The following UBE2D2 variants were observed in gnomAD, a reference collection of about 807,000 sequenced individuals.
UBE2D2 encodes ubiquitin-conjugating enzyme E2 D2.
UBE2D2 carries 2 observed loss-of-function variants against 24.2 expected under a neutral mutation model. The ratio of observed to expected loss-of-function variants is 0.08; its 90% CI spans 0.03 to 0.26. UBE2D2 has a LOEUF of 0.26. Among genes scored for constraint, UBE2D2 ranks in the 10% least tolerant of loss-of-function variants. UBE2D2 has a pLI of 1.00. For missense variants in UBE2D2, 44 were observed against 177.6 expected (o/e 0.25, Z 4.28); for synonymous variants, 58 against 56.5 (o/e 1.03, Z -0.12).
intron 1 of UBE2D2, among the ~76,000 whole-genome samples, chr5:139,528,527 C>T (rs1185038150): frequency 6.6e-6 from 1 of 152,166 alleles, no homozygotes; most frequent in Non-Finnish European, 1.5e-5. Flanking sequence ...AAAGGCTGGC[C>T]CCCATGTCCA....
chr5:139,567,759 C>T (rs958023846), intron 1 of UBE2D2, among the ~76,000 whole-genome samples: 11 of 150,676 alleles, frequency 7.3e-5, no homozygotes, highest in African/African-American at 2.7e-4. Flanking sequence ...GTCTCAAACT[C>T]CTGACCTCCA....
chr5:139,542,391 TAG>T (rs1392151949), intron 1 of UBE2D2, among the ~76,000 whole-genome samples: 2 of 152,282 alleles, frequency 1.3e-5, no homozygotes, highest in African/African-American at 2.4e-5. Flanking sequence ...TTTGTGGAGA[TAG>T]AGTCTCACTC....
chr5:139,586,847 G>A (rs1329130504), intron 1 of UBE2D2, among the ~76,000 whole-genome samples: 1 of 151,942 alleles, frequency 6.6e-6, no homozygotes, highest in East Asian at 1.9e-4. Flanking sequence ...ATCTTCTTTT[G>A]TTAAACAGAA....
chr5:139,548,193 A>AAAAAAAAAAAT, intron 1 of UBE2D2, among the ~76,000 whole-genome samples: 32 of 47,094 alleles, frequency 6.8e-4, no homozygotes, highest in East Asian at 1.3e-3. Flanking sequence ...ATAAAAAAAA[A>AAAAAAAAAAAT]AAATAAATAA....
At chr5:139,562,344 A>G in intron 1 of UBE2D2, 1 of 1,342,472 alleles carries the variant, frequency 7.4e-7, no homozygotes, top group South Asian at 1.2e-5. Context: ...GTGGCAGCAC[A>G]CATCGGTCCA....
intron 5 of UBE2D2, among the ~76,000 whole-genome samples, chr5:139,621,589 G>A (rs568206167): frequency 1.1e-4 from 17 of 151,536 alleles, no homozygotes; most frequent in Admixed American, 1.1e-3. Context: ...TATGGTTGTC[G>A]TTTTTGCTAA....
rs544630735 is a variant in UBE2D2, at chr5:139,526,535, G to A, written c.-141G>A. On this transcript the variant is annotated 5_prime_UTR_variant, in exon 1 of 7. Coordinates refer to the UBE2D2 transcript ENST00000511725. ...TGCCTCGCCAGAGCAGCGTGTAGCA[G>A]GCCCCCGCGGAGGATTAACACAGTG... 7.2e-5 allele frequency: 11 copies of A among 152,414 alleles called. No homozygotes were observed. The East Asian group carries it at 2.1e-3, about 29-fold the overall frequency. The allele number at this position is 152,414 out of a possible 1,614,324, so 9.4% of individuals were successfully genotyped here.
In UBE2D2 at chr5:139,561,546, G is replaced by T; in HGVS notation, c.-246G>T. ...GGAAGAGGCAGCTACGGCGGCGGCG[G>T]CGGTGGCGGCTAGGGCGGCGGCGAA... On this transcript the variant is annotated 5_prime_UTR_variant, in exon 1 of 7. Transcript: ENST00000398733. The T allele has an allele frequency of 2.4e-6, 1 of 418,982 alleles. No individual in the cohort carries two copies. Among genetic ancestry groups the T allele is most frequent in the Non-Finnish European group, 4.2e-6 (1 of 238,114 alleles). 26.0% of individuals were successfully genotyped at this position (418,982 alleles called of 1,614,324 possible).
At chr5:139,580,336 A>G (rs1753570382) in intron 1 of UBE2D2, among the ~76,000 whole-genome samples, 1 of 152,102 alleles carries the variant, frequency 6.6e-6, no homozygotes, top group South Asian at 2.1e-4. Flanking sequence ...AAGTGCTGAG[A>G]TTACAGTCGT....
At chr5:139,619,279 C>T (rs1014512925) in intron 5 of UBE2D2, among the ~76,000 whole-genome samples, 1 of 151,684 alleles carries the variant, frequency 6.6e-6, no homozygotes, top group African/African-American at 2.4e-5. Flanking sequence ...GTCTATAGTC[C>T]CAACTACTCG....
intron 6 of UBE2D2, among the ~76,000 whole-genome samples, chr5:139,625,012 G>C (rs147760080): frequency 2.1e-4 from 32 of 152,218 alleles, no homozygotes; most frequent in African/African-American, 7.5e-4. Flanking sequence ...GTTGAACACT[G>C]TTGAACAGAA....
rs566099355 is a variant in UBE2D2 at position 139,597,481 on chromosome 5, T to C, written c.25-2891T>C. Among the ~76,000 whole-genome samples the C allele has an allele frequency of 9.2e-5, 14 of 152,346 alleles. No homozygotes were observed. In the South Asian group the frequency reaches 2.7e-3, roughly 29 times the overall value. On this transcript the variant is annotated intron_variant, in intron 1 of 6. Coordinates refer to ENST00000398733, the MANE Select transcript of UBE2D2 (RefSeq NM_003339.3). ...TATATTGGCTCCTGAAATGGACTGATGGATCTTGTATTCTGCTTAGATAAA... is the reference window on the plus strand; with the variant it reads ...TATATTGGCTCCTGAAATGGACTGACGGATCTTGTATTCTGCTTAGATAAA...
intron 1 of UBE2D2, among the ~76,000 whole-genome samples, chr5:139,546,807 C>CTTCTTTCTTTCT (rs1405538149): frequency 1.9e-3 from 268 of 141,900 alleles, no homozygotes; most frequent in Middle Eastern, 0.011. Context: ...TTCTTTCTTT[C>CTTCTTTCTTTCT]TTCTTTCTTT....
In UBE2D2 at chr5:139,614,081, A is replaced by G. The variant is rs950815673; in HGVS notation, c.89-505A>G. On this transcript the variant is annotated intron_variant, in intron 2 of 6. Coordinates refer to ENST00000398733, the MANE Select transcript of UBE2D2 (RefSeq NM_003339.3). ...TGTCTCAAAAAAAAAAAAAAAAAAAAGTGTATTATATGTAATTGTTTTGAA... is the reference window on the plus strand; with the variant it reads ...TGTCTCAAAAAAAAAAAAAAAAAAAGGTGTATTATATGTAATTGTTTTGAA... Among the ~76,000 whole-genome samples, 10 of 147,908 alleles carry G rather than the reference A, an allele frequency of 6.8e-5. No individual in the cohort carries two copies. The South Asian group carries it at 1.7e-3, about 25-fold the overall frequency.
At chr5:139,618,338 G>A (rs1754456598) in intron 5 of UBE2D2, among the ~76,000 whole-genome samples, 1 of 152,100 alleles carries the variant, frequency 6.6e-6, no homozygotes, top group African/African-American at 2.4e-5. Context: ...GGAGTCCCAG[G>A]CAGAAATAAA....
intron 1 of UBE2D2, among the ~76,000 whole-genome samples, chr5:139,592,965 AT>A (rs11341390): frequency 0.41 from 59,760 of 147,456 alleles, 14,662 homozygotes; most frequent in African/African-American, 0.7. Flanking sequence ...AATTTCCCAA[AT>A]TAACATGATT....
chr5:139,601,078 T>C (rs562677175), intron 2 of UBE2D2, among the ~76,000 whole-genome samples: 44 of 152,324 alleles, frequency 2.9e-4, no homozygotes, highest in African/African-American at 1.1e-3. Flanking sequence ...GCTGGGATTA[T>C]AGGCATGAAC....
At chr5:139,590,964 A>G (rs1015456579) in intron 1 of UBE2D2, among the ~76,000 whole-genome samples, 9 of 150,154 alleles carry the variant, frequency 6.0e-5, no homozygotes, top group Non-Finnish European at 1.0e-4. Context: ...CCAGCTAATT[A>G]TGCATTTTTA....
At chr5:139,597,352 A>G (rs1195135415) in intron 1 of UBE2D2, among the ~76,000 whole-genome samples, 1 of 152,202 alleles carries the variant, frequency 6.6e-6, no homozygotes, top group African/African-American at 2.4e-5. Flanking sequence ...TTCACTTAGC[A>G]GTATGCTTTT....
Sources: allele counts gnomAD v4.1 joint callset (sites outside exome capture counted in the v4.1 genomes callset), GRCh38; gene constraint gnomAD v4.1.1; transcripts MANE v1.5; gene names NCBI Gene and HGNC (gene_info 2026-07-23, HGNC 2026-07-21).